The following ERCC6L2 variants were observed in gnomAD, a reference collection of about 807,000 sequenced individuals.
ERCC6L2 encodes ERCC excision repair 6 like 2.
Under a neutral mutation model 132.0 loss-of-function variants are expected in ERCC6L2, and 77 were observed. The observed-to-expected ratio is 0.58, with a 90% CI of 0.49 to 0.71. The LOEUF (loss-of-function observed/expected upper bound fraction) is 0.71. ERCC6L2 is among the 30% of genes least tolerant of loss of function. ERCC6L2 has a pLI of 0.00. For synonymous variants in ERCC6L2, 583 were observed against 632.4 expected, an observed-to-expected ratio of 0.92 and a Z score of 1.17; for missense variants, 1,542 against 1,837.6, an observed-to-expected ratio of 0.84 and a Z score of 2.94.
At chr9:96,039,221 G>A (rs1415295523) in intron 20 of ERCC6L2, among the ~76,000 whole-genome samples, 1 of 152,232 alleles carries the variant, frequency 6.6e-6, no homozygotes. Flanking sequence ...TAAGTGTGAA[G>A]GCAAAGAATG....
intron 13 of ERCC6L2, among the ~76,000 whole-genome samples, chr9:95,962,861 A>C (rs1368090575): frequency 6.6e-6 from 1 of 152,174 alleles, no homozygotes; most frequent in Non-Finnish European, 1.5e-5. Context: ...ATATAGCCCC[A>C]TCATAAATTA....
At chr9:95,967,909 A>G (rs1035033388) in intron 14 of ERCC6L2, 1 of 152,110 alleles carries the variant, frequency 6.6e-6, no homozygotes, top group Non-Finnish European at 1.5e-5. Context: ...GCCTATATTG[A>G]TGTTAAAGTC....
At chr9:95,895,030 G>C (rs543959793) in intron 2 of ERCC6L2, among the ~76,000 whole-genome samples, 1 of 152,204 alleles carries the variant, frequency 6.6e-6, no homozygotes, top group East Asian at 1.9e-4. Flanking sequence ...TATCTTTACT[G>C]ATTATTTTGT....
rs899055062 is a variant in ERCC6L2 at position 96,029,664 on chromosome 9, G to A, written c.*1504-9212G>A. Among the ~76,000 whole-genome samples, 18 of 152,200 alleles carry A rather than the reference G, an allele frequency of 1.2e-4. 1 individual carries two copies. The highest frequency in any genetic ancestry group is 3.1e-4 in the African/African-American group (13 of 41,452). Reference sequence around the variant, plus strand: ...TAGAAATTGAATGATACACCAAGTCGTCTTAGCTTACTTCACGTCTGTTTG... The same window carrying A: ...TAGAAATTGAATGATACACCAAGTCATCTTAGCTTACTTCACGTCTGTTTG... On this transcript the variant is annotated intron_variant and NMD_transcript_variant, in intron 19 of 20. Transcript: ENST00000670016.
intron 3 of ERCC6L2, among the ~76,000 whole-genome samples, chr9:95,903,914 C>T (rs1335537792): frequency 6.6e-6 from 1 of 151,964 alleles, no homozygotes. Context: ...AAATACCCAA[C>T]ATAGGTAATT....
At chr9:95,988,737 T>C (rs1833189637) in intron 17 of ERCC6L2, among the ~76,000 whole-genome samples, 1 of 152,210 alleles carries the variant, frequency 6.6e-6, no homozygotes, top group Admixed American at 6.5e-5. Context: ...GATTTTCCCT[T>C]ACACCAGCAA....
chr9:95,962,185 A>G (rs1831936250), intron 13 of ERCC6L2, among the ~76,000 whole-genome samples: 2 of 152,224 alleles, frequency 1.3e-5, no homozygotes, highest in South Asian at 4.1e-4. Context: ...GATAGAAAAT[A>G]AAATAAGACC....
downstream of ERCC6L2, among the ~76,000 whole-genome samples, chr9:96,019,224 A>C (rs1051966462): frequency 1.3e-5 from 2 of 152,222 alleles, no homozygotes; most frequent in Admixed American, 6.5e-5. Context: ...AAGAAGCCTC[A>C]TAATAGCTAA....
chr9:96,012,823 A>G lies in ERCC6L2; in HGVS notation c.4273A>G (p.Ile1425Val), dbSNP rs754282213. The G allele has an allele frequency of 7.3e-7, 1 of 1,367,604 alleles. No homozygotes were observed. The highest frequency in any genetic ancestry group is 9.8e-7 in the Non-Finnish European group (1 of 1,021,850). The allele number at this position is 1,367,604 out of a possible 1,614,324, so 84.7% of individuals were successfully genotyped here. Residue 1425 changes from isoleucine (I) to valine (V), a missense_variant, in exon 19 of 19, where the codon ATA becomes GTA. Coordinates refer to ENST00000653738, the MANE Select transcript of ERCC6L2 (RefSeq NM_020207.7). The stretch of plus-strand genomic sequence containing the variant: ...CCTTCTCAAATTGGAAAACAAAAAG[A>G]TAGAAAATCCAGTGCTGGAAAATAC... Reference protein sequence around the residue: ...EPLLKLENKKIENPVLENTSV... With the variant: ...EPLLKLENKKVENPVLENTSV...
intron 6 of ERCC6L2, among the ~76,000 whole-genome samples, chr9:95,920,352 T>A (rs1000632658): frequency 1.3e-5 from 2 of 152,204 alleles, no homozygotes; most frequent in African/African-American, 4.8e-5. Context: ...ACAGTAAAGA[T>A]ATTTTCACTT....
Position 95,972,478 on chromosome 9 carries a change from C to T in ERCC6L2, c.2727C>T (p.Tyr909=). The change falls in exon 16 of 19, where the codon TAC becomes TAT. Residue 909 remains tyrosine, a synonymous_variant. Coordinates refer to ENST00000653738, the MANE Select transcript of ERCC6L2 (RefSeq NM_020207.7). ...GTGATGTCATCTGTCCTACACAATACACAACTGAGAGATTCCCCGACAATA... is the reference window on the plus strand; with the variant it reads ...GTGATGTCATCTGTCCTACACAATATACAACTGAGAGATTCCCCGACAATA... ...EDSDVICPTQ[Y]TTERFPDNSI... The T allele has an allele frequency of 1.6e-6, 2 of 1,289,688 alleles. No homozygotes were observed. Among genetic ancestry groups the T allele is most frequent in the Non-Finnish European group, 2.0e-6 (2 of 988,820 alleles). 79.9% of individuals were successfully genotyped at this position (1,289,688 alleles called of 1,614,324 possible).
At chr9:95,898,391 G>A (rs1828578810) in intron 3 of ERCC6L2, among the ~76,000 whole-genome samples, 1 of 152,098 alleles carries the variant, frequency 6.6e-6, no homozygotes, top group Non-Finnish European at 1.5e-5. Context: ...CTTATTTCAA[G>A]TTGCCTAGCT....
At chr9:95,920,252 T>C (rs1243835207) in intron 6 of ERCC6L2, among the ~76,000 whole-genome samples, 1 of 152,156 alleles carries the variant, frequency 6.6e-6, no homozygotes, top group Non-Finnish European at 1.5e-5. Flanking sequence ...CTGCCACCCA[T>C]GAGAAAACAA....
intron 17 of ERCC6L2, among the ~76,000 whole-genome samples, chr9:95,990,846 G>T (rs1339458655): frequency 6.6e-6 from 1 of 152,210 alleles, no homozygotes; most frequent in Non-Finnish European, 1.5e-5. Flanking sequence ...GTGGGTTCTT[G>T]TCTGGTGTCC....
At chr9:95,990,429 G>C (rs920270021) in intron 17 of ERCC6L2, among the ~76,000 whole-genome samples, 2 of 152,184 alleles carry the variant, frequency 1.3e-5, no homozygotes, top group African/African-American at 4.8e-5. Context: ...GACTCGGAGG[G>C]GGGGTCCATC....
intron 17 of ERCC6L2, among the ~76,000 whole-genome samples, chr9:95,986,881 A>G (rs1833117378): frequency 6.6e-6 from 1 of 152,226 alleles, no homozygotes; most frequent in Admixed American, 6.5e-5. Flanking sequence ...TTTATAAAGA[A>G]AAAGGTTTAA....
chr9:95,923,386 G>A lies in ERCC6L2; in HGVS notation c.1533+7G>A. ...ATACAGTGGAAAAATGAAGGTAAGT[G>A]CTCCTCTTTCAGGTTGCATACAGAC... On this transcript the variant is annotated splice_region_variant and intron_variant, in intron 9 of 18. Coordinates refer to ENST00000653738, the MANE Select transcript of ERCC6L2 (RefSeq NM_020207.7). 3 of 1,612,678 alleles carry A rather than the reference G, an allele frequency of 1.9e-6. No individual in the cohort carries two copies. The East Asian group carries it at 6.7e-5, about 36-fold the overall frequency.
intron 17 of ERCC6L2, among the ~76,000 whole-genome samples, chr9:95,984,303 T>A (rs1181823330): frequency 6.7e-6 from 1 of 149,572 alleles, no homozygotes; most frequent in African/African-American, 2.4e-5. Flanking sequence ...ATGTTATATA[T>A]GTATAAATAT....
chr9:95,942,667 T>C (rs916516219), intron 12 of ERCC6L2, among the ~76,000 whole-genome samples: 1 of 151,934 alleles, frequency 6.6e-6, no homozygotes, highest in African/African-American at 2.4e-5. Flanking sequence ...TAAAGAGAAA[T>C]TGAGGAAAAA....
Sources: gnomAD v4.1 joint callset for allele counts (sites outside exome capture counted in the v4.1 genomes callset) on GRCh38, gnomAD v4.1.1 for gene constraint, MANE v1.5 for transcripts, NCBI Gene and HGNC (gene_info 2026-07-23, HGNC 2026-07-21) for gene names.